Variants in VTA1 observed in about 807,000 individuals in gnomAD.
VTA1 encodes the protein vesicle trafficking 1.
Under a neutral mutation model 36.9 loss-of-function variants are expected in VTA1, and 24 were observed. The observed-to-expected ratio is 0.65, with a 90% confidence interval of 0.47 to 0.91. VTA1 has a LOEUF of 0.91. Ranked by LOEUF, VTA1 falls within the 40% of genes least tolerant of loss-of-function variation. VTA1 has a pLI of 0.00. For synonymous variants in VTA1, 142 were observed against 130.2 expected (o/e 1.09, Z -0.62); for missense variants, 393 against 377.2 (o/e 1.04, Z -0.35).
rs907113439 is a variant in VTA1, at chr6:142,221,126, G to T, written c.*2483G>T. ...CAGAAATATTGCAAGTCTGAGAAAA[G>T]AGATTCTCCTCAAACCGGTTCTCAA... On this transcript the variant is annotated 3_prime_UTR_variant, in exon 8 of 8. Transcript: ENST00000367630. 2 of 152,122 alleles carry T rather than the reference G, an allele frequency of 1.3e-5. 1 individual carries two copies. The highest frequency in any genetic ancestry group is 2.9e-5 in the Non-Finnish European group (2 of 68,020). 9.4% of individuals were successfully genotyped at this position (152,122 alleles called of 1,614,324 possible).
At chr6:142,182,853 TAC>T (rs1775268303) in intron 4 of VTA1, among the ~76,000 whole-genome samples, 1 of 152,158 alleles carries the variant, frequency 6.6e-6, no homozygotes, top group African/African-American at 2.4e-5. Context: ...TTAAGGGTGG[TAC>T]ATTTAAAGCC....
chr6:142,179,129 A>G (rs1003856188), intron 4 of VTA1, among the ~76,000 whole-genome samples: 7 of 152,110 alleles, frequency 4.6e-5, no homozygotes, highest in Non-Finnish European at 8.8e-5. Flanking sequence ...AAAAACTCAT[A>G]ATCATAATTG....
chr6:142,215,799 C>T (rs938289769), intron 7 of VTA1, among the ~76,000 whole-genome samples: 9 of 152,156 alleles, frequency 5.9e-5, no homozygotes, highest in African/African-American at 1.9e-4. Context: ...GAAATGGATG[C>T]TTATGTCAAC....
At chr6:142,156,441 A>G (rs1468818411) in intron 1 of VTA1, among the ~76,000 whole-genome samples, 1 of 152,172 alleles carries the variant, frequency 6.6e-6, no homozygotes, top group Admixed American at 6.6e-5. Context: ...TCTGAGCTCC[A>G]TCTCTTTATT....
In VTA1 at chr6:142,168,801, C is replaced by T. The variant is rs142351912; in HGVS notation, c.208-749C>T. Among the ~76,000 whole-genome samples the T allele has an allele frequency of 2.9e-4, 43 of 149,880 alleles. 1 individual carries two copies. The East Asian group carries it at 8.0e-3, about 28-fold the overall frequency. On this transcript the variant is annotated intron_variant, in intron 2 of 7. Coordinates refer to ENST00000367630, the MANE Select transcript of VTA1 (RefSeq NM_016485.5). ...TATTATTTTGAGACAGAGTCTCGCT[C>T]ATTCGCCCAGGCTGGAGTGCAGTGG...
chr6:142,184,198 T>C (rs567803258), intron 4 of VTA1, among the ~76,000 whole-genome samples: 1 of 152,360 alleles, frequency 6.6e-6, no homozygotes, highest in South Asian at 2.1e-4. Context: ...TTAAGGCTTA[T>C]TTTCTGTTAT....
At chr6:142,217,227 C>G (rs1776019717) in intron 7 of VTA1, among the ~76,000 whole-genome samples, 1 of 152,114 alleles carries the variant, frequency 6.6e-6, no homozygotes, top group Non-Finnish European at 1.5e-5. Context: ...AAGACTTACT[C>G]TAGCACCCTA....
intron 1 of VTA1, among the ~76,000 whole-genome samples, chr6:142,155,665 C>T (rs1778649113): frequency 2.0e-5 from 3 of 152,106 alleles, no homozygotes; most frequent in Admixed American, 2.0e-4. Flanking sequence ...GTTACTAGAA[C>T]ATTAGGCACT....
At chr6:142,208,544 C>T (rs1775840868) in intron 7 of VTA1, among the ~76,000 whole-genome samples, 1 of 152,038 alleles carries the variant, frequency 6.6e-6, no homozygotes. Flanking sequence ...CTTCCCAAAA[C>T]TTGAGAAAGA....
chr6:142,211,308 A>C (rs1775898151), intron 7 of VTA1, among the ~76,000 whole-genome samples: 1 of 152,238 alleles, frequency 6.6e-6, no homozygotes, highest in South Asian at 2.1e-4. Context: ...AAATGTAAAA[A>C]GTAAAATACA....
intron 2 of VTA1, among the ~76,000 whole-genome samples, chr6:142,168,147 T>G (rs1359380134): frequency 6.6e-6 from 1 of 152,226 alleles, no homozygotes; most frequent in Non-Finnish European, 1.5e-5. Context: ...TGCTGTCAGG[T>G]ATTTTCTGAT....
intron 5 of VTA1, among the ~76,000 whole-genome samples, chr6:142,189,966 A>C (rs187366373): frequency 0.015 from 2,294 of 152,080 alleles, 27 homozygotes; most frequent in Non-Finnish European, 0.023. Context: ...ACTGTGTTAG[A>C]CAGGATGGTC....
chr6:142,182,454 T>C (rs952073147), intron 4 of VTA1, among the ~76,000 whole-genome samples: 23 of 152,230 alleles, frequency 1.5e-4, no homozygotes, highest in African/African-American at 5.1e-4. Flanking sequence ...CTCATTAGTA[T>C]GTTATTAAAT....
At chr6:142,169,300 T>G (rs1473913349) in intron 2 of VTA1, among the ~76,000 whole-genome samples, 1 of 152,230 alleles carries the variant, frequency 6.6e-6, no homozygotes, top group Non-Finnish European at 1.5e-5. Context: ...TTGGTTATTT[T>G]GATTGTTAGA....
At chr6:142,214,292 A>G (rs1435672603) in intron 7 of VTA1, among the ~76,000 whole-genome samples, 3 of 152,162 alleles carry the variant, frequency 2.0e-5, no homozygotes, top group Non-Finnish European at 4.4e-5. Flanking sequence ...GTTCCCAATA[A>G]GTTCCTCATC....
chr6:142,164,623 A>G (rs1774879390), intron 1 of VTA1, among the ~76,000 whole-genome samples: 1 of 152,152 alleles, frequency 6.6e-6, no homozygotes, highest in Non-Finnish European at 1.5e-5. Flanking sequence ...CCATAATTGA[A>G]TTGGTAATTC....
chr6:142,158,225 A>G (rs755331303), intron 1 of VTA1, among the ~76,000 whole-genome samples: 1 of 152,184 alleles, frequency 6.6e-6, no homozygotes, highest in Admixed American at 6.5e-5. Context: ...ACATGTTGCA[A>G]TGTATATAAC....
intron 4 of VTA1, among the ~76,000 whole-genome samples, chr6:142,188,547 A>G (rs1215149347): frequency 2.0e-5 from 3 of 152,116 alleles, no homozygotes; most frequent in Non-Finnish European, 4.4e-5. Context: ...CTGGAACGCT[A>G]ATGTGCGTAT....
rs189592757 is a variant in VTA1, at chr6:142,158,341, C to T, written c.113-7887C>T. Among the ~76,000 whole-genome samples, 429 of 152,174 alleles carry T rather than the reference C, an allele frequency of 2.8e-3. 6 individuals carry two copies. The highest frequency in any genetic ancestry group is 2.3e-3 in the Non-Finnish European group (159 of 68,006). On this transcript the variant is annotated intron_variant, in intron 1 of 7. Coordinates refer to ENST00000367630, the MANE Select transcript of VTA1 (RefSeq NM_016485.5). ...CTGCCTGAGTCAAATCCTAACCTAT[C>T]GTTTATGGCCTGCATGACCTTATGA...
Sources: gnomAD v4.1 joint callset for allele counts (sites outside exome capture counted in the v4.1 genomes callset) on GRCh38, gnomAD v4.1.1 for gene constraint, MANE v1.5 for transcripts, NCBI Gene and HGNC (gene_info 2026-07-23, HGNC 2026-07-21) for gene names.